The following WDR81 variants were observed in gnomAD, a reference collection of about 807,000 sequenced individuals.
WDR81 encodes the protein WD repeat domain 81.
WDR81 carries 92 observed loss-of-function variants against 140.8 expected under a neutral mutation model. The ratio of observed to expected loss-of-function variants is 0.65; its 90% CI spans 0.55 to 0.78. WDR81 has a LOEUF of 0.78. Among genes scored for constraint, WDR81 ranks in the 30% least tolerant of loss-of-function variants. The pLI, the probability that WDR81 is intolerant of heterozygous loss-of-function variation, is 0.00. For missense variants in WDR81, 2,502 were observed against 2,636.4 expected (o/e 0.95, Z 1.12); for synonymous variants, 1,183 against 1,156.4 (o/e 1.02, Z -0.47).
chr17:1,734,319 G>A (rs780182236), intron 7 of WDR81, 103 bp downstream of exon 7: 15 of 1,377,428 alleles, frequency 1.1e-5, no homozygotes, highest in African/African-American at 1.5e-5. Flanking sequence ...CGGAGTTTGG[G>A]GAGACCCAGC....
At chr17:1,721,636 ACATGG>A (rs1914872255), upstream of WDR81, among the ~76,000 whole-genome samples, 1 of 151,744 alleles carries the variant, frequency 6.6e-6, no homozygotes, top group South Asian at 2.1e-4. Flanking sequence ...AGCCTGGGAA[ACATGG>A]CAAAACCTGG....
upstream of WDR81, among the ~76,000 whole-genome samples, chr17:1,722,077 C>T (rs1046165988): frequency 6.6e-6 from 1 of 151,674 alleles, no homozygotes. Context: ...GAGCTGAGAT[C>T]GCGCCATTGC....
Position 1,727,105 on chromosome 17 carries a change from G to A in WDR81, c.2146G>A (p.Glu716Lys). The A allele has an allele frequency of 6.5e-7, 1 of 1,547,736 alleles. No individual in the cohort carries two copies. The highest frequency in any genetic ancestry group is 8.7e-7 in the Non-Finnish European group (1 of 1,145,074). Residue 716 changes from glutamate (E) to lysine (K), a missense_variant, in exon 1 of 10, where the codon GAG becomes AAG. Physicochemically the swap from Glu to Lys is moderately conservative, Grantham distance 56 (BLOSUM62 1). Transcript: ENST00000409644. ...TGGGGCAGACCCTGGGGAGGGTGAG[G>A]AGGGGAGGATTCTTCTTCCCGAGGG... ...AAGADPGEGE[E>K]GRILLPEGFN...
In WDR81 at chr17:1,734,029, G is replaced by A; in HGVS notation, c.4992G>A (p.Leu1664=). The change falls in exon 7 of 10, where the codon CTG becomes CTA. Residue 1664 remains leucine, a synonymous_variant. Coordinates refer to ENST00000409644, the MANE Select transcript of WDR81 (RefSeq NM_001163809.2). ...CCCTAAGCAGCGAGGACTTCTTCCTGAGCGGCAGCAAGGATCGTACCGTGC... is the reference window on the plus strand; with the variant it reads ...CCCTAAGCAGCGAGGACTTCTTCCTAAGCGGCAGCAAGGATCGTACCGTGC... ...VAPLSSEDFF[L]SGSKDRTVRL... is the part of the protein sequence containing the mutation. 1 of 1,611,598 alleles carries A rather than the reference G, an allele frequency of 6.2e-7. No homozygotes were observed. The highest frequency in any genetic ancestry group is 1.6e-4 in the Middle Eastern group (1 of 6,062).
At position 1,732,756 on chromosome 17, in the gene WDR81, C is replaced by T; in HGVS notation, c.4414C>T (p.Leu1472=). The change falls in exon 6 of 10, where the codon CTG becomes TTG. Residue 1472 remains leucine, a synonymous_variant. Transcript: ENST00000409644. ...DGQQRPVDPA[L]LDELQKVFTL... ...GCAGCAGCGGCCCGTGGACCCCGCC[C>T]TGCTGGACGAGCTGCAGAAGGTGTT... is the stretch of plus-strand genomic sequence containing the variant. The T allele has an allele frequency of 6.2e-7, 1 of 1,613,112 alleles. No homozygotes were observed. Among genetic ancestry groups the T allele is most frequent in the Non-Finnish European group, 8.5e-7 (1 of 1,179,986 alleles).
chr17:1,729,603 AAG>A (rs1555563682), intron 1 of WDR81, among the ~76,000 whole-genome samples: 1 of 152,154 alleles, frequency 6.6e-6, no homozygotes, highest in Non-Finnish European at 1.5e-5. Flanking sequence ...AATGGGCAAA[AAG>A]AAAGTCTGAA....
At position 1,726,355 on chromosome 17, in the gene WDR81, C is replaced by T. The variant is rs1355397748; in HGVS notation, c.1396C>T (p.His466Tyr). 3.9e-6 allele frequency: 6 copies of T among 1,547,604 alleles called. No individual in the cohort carries two copies. The African/African-American group carries it at 4.1e-5, about 11-fold the overall frequency. Reference protein sequence around the residue: ...RRTPRSVLCGHVRAQWEPHEY... With the variant: ...RRTPRSVLCGYVRAQWEPHEY... ...CACGCCTCGGTCGGTGCTCTGCGGA[C>T]ACGTCCGCGCGCAGTGGGAGCCCCA... is the stretch of plus-strand genomic sequence containing the variant. The change falls in exon 1 of 10, where the codon CAC (histidine) becomes TAC (tyrosine). Residue 466 changes from histidine (H) to tyrosine (Y), a missense_variant. His to Tyr is a moderately conservative substitution (Grantham distance 83, BLOSUM62 2). Around this residue, in one of 3 missense-constraint regions of WDR81, gnomAD observed 218 missense variants for 279.6 expected, o/e 0.78. Transcript: ENST00000409644.
chr17:1,722,450 G>A (rs563540921), upstream of WDR81, among the ~76,000 whole-genome samples: 15 of 150,076 alleles, frequency 1.0e-4, no homozygotes, highest in Non-Finnish European at 1.9e-4. Flanking sequence ...GGGTTCAAGC[G>A]ATTCTCCTGC....
At chr17:1,723,416 T>A (rs977028232), upstream of WDR81, among the ~76,000 whole-genome samples, 2 of 149,072 alleles carry the variant, frequency 1.3e-5, no homozygotes, top group African/African-American at 4.9e-5. Context: ...TTTATTTATT[T>A]ATTTTTATTT....
rs142645996 is a variant in WDR81 at position 1,719,024 on chromosome 17, C to G, written c.-124+2391C>G. ...ATGTCAGTGGCAACACCCACCCACC[C>G]CCAGCTCCCAGTTTTGACAACCAAA... On this transcript the variant is annotated intron_variant, in intron 1 of 10. Coordinates refer to the WDR81 transcript ENST00000309182. Among the ~76,000 whole-genome samples, 106 of 152,262 alleles carry G rather than the reference C, an allele frequency of 7.0e-4. 2 individuals are homozygous for G. The East Asian group carries it at 0.017, about 24-fold the overall frequency.
chr17:1,733,029 G>A (rs772679014), intron 6 of WDR81, 198 bp downstream of exon 6: 88 of 661,828 alleles, frequency 1.3e-4, no homozygotes, highest in Non-Finnish European at 1.9e-4. Flanking sequence ...CAGCAAGAGA[G>A]GCCCAGAAGC....
At chr17:1,721,689 G>C (rs1914874249), upstream of WDR81, among the ~76,000 whole-genome samples, 1 of 151,616 alleles carries the variant, frequency 6.6e-6, no homozygotes, top group African/African-American at 2.4e-5. Context: ...GGATGTGGTG[G>C]CACATTCCTG....
Position 1,737,497 on chromosome 17 carries a change from A to T in WDR81, c.5638A>T (p.Ser1880Cys), listed in dbSNP as rs1284287271. 1 of 1,613,180 alleles carries T rather than the reference A, an allele frequency of 6.2e-7. No homozygotes were observed. Among genetic ancestry groups the T allele is most frequent in the East Asian group, 2.2e-5 (1 of 44,886 alleles). ...DPIHTFDLYG[S>C]EVVTGTVSNK... ...CATCCACACCTTTGACCTGTACGGC[A>T]GCGAGGTGGTCACTGGCACCGTGTC... Residue 1880 changes from serine (S) to cysteine (C), a missense_variant, in exon 10 of 10, where the codon AGC becomes TGC. Ser to Cys is a moderately radical substitution (Grantham distance 112). Coordinates refer to ENST00000409644, the MANE Select transcript of WDR81 (RefSeq NM_001163809.2).
In WDR81 at chr17:1,726,391, G is replaced by A; in HGVS notation, c.1432G>A (p.Ala478Thr). The change falls in exon 1 of 10, where the codon GCC becomes ACC. Residue 478 changes from alanine (A) to threonine (T), a missense_variant. By Grantham distance (58) the Ala-to-Thr change is moderately conservative (BLOSUM62 0). Transcript: ENST00000409644. ...GCAGTGGGAGCCCCATGAGTATCCG[G>A]CCAGCATGGAGCGGATGCAGAACTG... is the stretch of plus-strand genomic sequence containing the variant. ...RAQWEPHEYP[A>T]SMERMQNWTP... is the part of the protein sequence containing the mutation. The A allele has an allele frequency of 1.9e-6, 3 of 1,550,160 alleles. No homozygotes were observed. Among genetic ancestry groups the A allele is most frequent in the Non-Finnish European group, 2.6e-6 (3 of 1,146,870 alleles).
rs1219013905 is a variant in WDR81, at chr17:1,725,944, C to G, written c.985C>G (p.Gln329Glu). The change falls in exon 1 of 10, where the codon CAA (glutamine) becomes GAA (glutamate). Residue 329 changes from glutamine (Q) to glutamate (E), a missense_variant. Gln to Glu is a conservative substitution (Grantham distance 29). Coordinates refer to ENST00000409644, the MANE Select transcript of WDR81 (RefSeq NM_001163809.2). ...VARDEAGIVS[Q>E]EEQGGQPGQP... ...AAGGGATGAGGCGGGCATTGTGTCT[C>G]AAGAGGAGCAGGGAGGGCAACCTGG... 1.9e-6 allele frequency: 3 copies of G among 1,550,672 alleles called. No individual in the cohort carries two copies. Among genetic ancestry groups the G allele is most frequent in the Admixed American group, 2.0e-5 (1 of 50,996 alleles).
chr17:1,727,772 C>T lies in WDR81; in HGVS notation c.2813C>T (p.Ala938Val), dbSNP rs1300996578. The change falls in exon 1 of 10, where the codon GCT becomes GTT. Residue 938 changes from alanine (A) to valine (V), a missense_variant. Transcript: ENST00000409644. ...TCACTCATGTCCGAGGAGCACACAG[C>T]TGTGTACACGGCCTGGTATCTGTTT... Reference protein sequence around the residue: ...VLSLMSEEHTAVYTAWYLFEP... With the variant: ...VLSLMSEEHTVVYTAWYLFEP... 3.2e-6 allele frequency: 5 copies of T among 1,550,624 alleles called. No homozygotes were observed. Among genetic ancestry groups the T allele is most frequent in the African/African-American group, 2.7e-5 (2 of 73,056 alleles).
chr17:1,734,051 G>C lies in WDR81; in HGVS notation c.5014G>C (p.Val1672Leu). Residue 1672 changes from valine (V) to leucine (L), a missense_variant, in exon 7 of 10, where the codon GTG becomes CTG. By Grantham distance (32) the Val-to-Leu change is conservative. Around this residue, in one of 3 missense-constraint regions of WDR81, gnomAD observed 1,737 missense variants for 1,843.0 expected, o/e 0.94. Transcript: ENST00000409644. ...FFLSGSKDRT[V>L]RLWPLYNYGD... Reference sequence around the variant, plus strand: ...CCTGAGCGGCAGCAAGGATCGTACCGTGCGCCTCTGGCCGCTGTACAACTA... The same window carrying C: ...CCTGAGCGGCAGCAAGGATCGTACCCTGCGCCTCTGGCCGCTGTACAACTA... The C allele has an allele frequency of 6.2e-7, 1 of 1,608,848 alleles. No homozygotes were observed. Among genetic ancestry groups the C allele is most frequent in the Non-Finnish European group, 8.5e-7 (1 of 1,179,926 alleles).
In WDR81 at chr17:1,726,314, T is replaced by C. The variant is rs1007317544; in HGVS notation, c.1355T>C (p.Val452Ala). ...SDVLSDITYY[V>A]YKARRTPRSV... is the part of the protein sequence containing the mutation. The stretch of plus-strand genomic sequence containing the variant: ...GTGCTCTCCGACATCACGTACTATG[T>C]GTACAAGGCTCGGCGCACGCCTCGG... Residue 452 changes from valine (V) to alanine (A), a missense_variant, in exon 1 of 10, where the codon GTG becomes GCG. Physicochemically the swap from Val to Ala is moderately conservative, Grantham distance 64 (BLOSUM62 0). Transcript: ENST00000409644. The C allele has an allele frequency of 1.9e-6, 3 of 1,542,850 alleles. No homozygotes were observed. Among genetic ancestry groups the C allele is most frequent in the African/African-American group, 1.4e-5 (1 of 73,044 alleles).
At chr17:1,722,977 A>G (rs1488366937), upstream of WDR81, among the ~76,000 whole-genome samples, 2 of 152,062 alleles carry the variant, frequency 1.3e-5, no homozygotes, top group South Asian at 4.2e-4. Context: ...ACAGGTGTGA[A>G]CCACCGTGAC....
Sources: allele counts gnomAD v4.1 joint callset (sites outside exome capture counted in the v4.1 genomes callset), GRCh38; gene constraint gnomAD v4.1.1; regional missense constraint gnomAD v4.1.1; transcripts MANE v1.5; gene names NCBI Gene and HGNC (gene_info 2026-07-23, HGNC 2026-07-21).